VWC2L: variants seen among roughly 807,000 people sequenced by gnomAD.
VWC2L encodes von Willebrand factor C domain containing 2 like, also known as von Willebrand factor C domain-containing protein 2-like.
VWC2L carries 10 observed loss-of-function variants against 21.6 expected under a neutral mutation model. The observed-to-expected ratio is 0.46, with a 90% CI of 0.29 to 0.78. VWC2L has a LOEUF of 0.78. Ranked by LOEUF, VWC2L falls within the 30% of genes least tolerant of loss-of-function variation. VWC2L has a pLI of 0.10. For missense variants in VWC2L, 209 were observed against 277.1 expected (o/e 0.75, Z 1.74); for synonymous variants, 96 against 94.3 (o/e 1.02, Z -0.10).
intron 3 of VWC2L, among the ~76,000 whole-genome samples, chr2:214,526,611 G>A (rs1689342702): frequency 1.3e-5 from 2 of 152,170 alleles, no homozygotes; most frequent in African/African-American, 4.8e-5. Context: ...CTCTAGAAGG[G>A]ATAGGGAAAA....
chr2:214,463,167 CTTA>C (rs1352414822), intron 3 of VWC2L, among the ~76,000 whole-genome samples: 2 of 151,926 alleles, frequency 1.3e-5, no homozygotes, highest in African/African-American at 4.8e-5. Context: ...TTTACATATT[CTTA>C]TTAATATTCT....
intron 2 of VWC2L, among the ~76,000 whole-genome samples, chr2:214,416,368 A>C (rs1459967114): frequency 6.6e-6 from 1 of 152,052 alleles, no homozygotes; most frequent in African/African-American, 2.4e-5. Flanking sequence ...CTATAATCTA[A>C]TTAATCCCTA....
In VWC2L at chr2:214,411,576, T is replaced by C. The variant is rs1420885496; in HGVS notation, c.-291T>C. 2 of 152,266 alleles carry C rather than the reference T, an allele frequency of 1.3e-5. No homozygotes were observed. The highest frequency in any genetic ancestry group is 2.4e-5 in the African/African-American group (1 of 41,456). The allele number at this position is 152,266 out of a possible 1,614,324, so 9.4% of individuals were successfully genotyped here. On this transcript the variant is annotated 5_prime_UTR_variant, in exon 1 of 4. Transcript: ENST00000312504. ...GTCCAAAGCAAATTTCTTATATGTG[T>C]CTGCTGTGTTTCTTTCTGGAAGGGC...
At chr2:214,556,435 A>G (rs1047224937) in intron 3 of VWC2L, among the ~76,000 whole-genome samples, 1 of 152,126 alleles carries the variant, frequency 6.6e-6, no homozygotes, top group Admixed American at 6.6e-5. Flanking sequence ...TTCCCTTAAT[A>G]TTGCTTCTTA....
intron 3 of VWC2L, among the ~76,000 whole-genome samples, chr2:214,519,869 A>T (rs2105910437): frequency 6.6e-6 from 1 of 152,312 alleles, no homozygotes; most frequent in South Asian, 2.1e-4. Context: ...ATAAATGCAA[A>T]TCAAGATTTA....
intron 3 of VWC2L, among the ~76,000 whole-genome samples, chr2:214,454,598 CTTTTTTTTTTTTT>C (rs34032234): frequency 1.6e-5 from 1 of 64,134 alleles, no homozygotes; most frequent in African/African-American, 6.4e-5. Context: ...GATTGATTTT[CTTTTTTTTTTTTT>C]TTTTTTTTTT....
chr2:214,450,369 T>G (rs1702935250), intron 3 of VWC2L, among the ~76,000 whole-genome samples: 1 of 151,524 alleles, frequency 6.6e-6, no homozygotes, highest in African/African-American at 2.4e-5. Flanking sequence ...ATCACTATGG[T>G]GACCCTTCTA....
chr2:214,469,750 C>G (rs1056083409), intron 3 of VWC2L, among the ~76,000 whole-genome samples: 2 of 152,140 alleles, frequency 1.3e-5, no homozygotes, highest in African/African-American at 4.8e-5. Context: ...AACTACTTCC[C>G]ATTCATTTCA....
At chr2:214,422,044 C>G (rs1317648326) in intron 2 of VWC2L, among the ~76,000 whole-genome samples, 2 of 151,404 alleles carry the variant, frequency 1.3e-5, no homozygotes, top group African/African-American at 4.9e-5. Context: ...CGCGTGCCAC[C>G]ATGCCCGGCT....
intron 2 of VWC2L, among the ~76,000 whole-genome samples, chr2:214,432,098 C>G (rs1380700518): frequency 6.6e-6 from 1 of 152,156 alleles, no homozygotes; most frequent in African/African-American, 2.4e-5. Context: ...ATCTCATTGA[C>G]TCAAAATCAT....
At chr2:214,456,120 T>C (rs1703051147) in intron 3 of VWC2L, among the ~76,000 whole-genome samples, 1 of 152,150 alleles carries the variant, frequency 6.6e-6, no homozygotes, top group Non-Finnish European at 1.5e-5. Context: ...TTCTGTACTG[T>C]TTTCAATAAT....
At chr2:214,547,989 C>T (rs1689736620) in intron 3 of VWC2L, among the ~76,000 whole-genome samples, 1 of 152,206 alleles carries the variant, frequency 6.6e-6, no homozygotes, top group Non-Finnish European at 1.5e-5. Context: ...TTTATTTCTT[C>T]TTCCAGATGC....
chr2:214,565,120 T>C (rs1038382052), intron 3 of VWC2L, among the ~76,000 whole-genome samples: 8 of 152,196 alleles, frequency 5.3e-5, no homozygotes, highest in African/African-American at 1.2e-4. Flanking sequence ...TCATTCTTTC[T>C]AGTGACTGCA....
chr2:214,440,676 A>C (rs1240209651), intron 3 of VWC2L, among the ~76,000 whole-genome samples: 1 of 152,074 alleles, frequency 6.6e-6, no homozygotes, highest in Non-Finnish European at 1.5e-5. Context: ...TTGTATGTGA[A>C]TTAATATTAA....
At chr2:214,447,726 T>C (rs1039624788) in intron 3 of VWC2L, among the ~76,000 whole-genome samples, 9 of 152,060 alleles carry the variant, frequency 5.9e-5, no homozygotes, top group Non-Finnish European at 8.8e-5. Flanking sequence ...TCCTCAGAAG[T>C]TTTACACATC....
intron 3 of VWC2L, among the ~76,000 whole-genome samples, chr2:214,499,510 G>T (rs1688861225): frequency 7.4e-6 from 1 of 135,930 alleles, no homozygotes; most frequent in Non-Finnish European, 1.6e-5. Flanking sequence ...CGTGGGGTGG[G>T]GGGAGGGGTG....
At chr2:214,444,679 G>A (rs1702813489) in intron 3 of VWC2L, among the ~76,000 whole-genome samples, 1 of 151,826 alleles carries the variant, frequency 6.6e-6, no homozygotes, top group Non-Finnish European at 1.5e-5. Context: ...ATGTGCTATT[G>A]GAACAGAAAT....
At chr2:214,450,374 C>G (rs973937827) in intron 3 of VWC2L, among the ~76,000 whole-genome samples, 6 of 151,616 alleles carry the variant, frequency 4.0e-5, no homozygotes, top group Non-Finnish European at 7.4e-5. Context: ...TATGGTGACC[C>G]TTCTAGCCTA....
At chr2:214,538,961 A>G (rs12612233) in intron 3 of VWC2L, among the ~76,000 whole-genome samples, 29,421 of 152,048 alleles carry the variant, frequency 0.19, 3,314 homozygotes, top group East Asian at 0.26. Flanking sequence ...AAACCCTCAT[A>G]ATTTCTAAAA....
Sources: allele counts gnomAD v4.1 joint callset (sites outside exome capture counted in the v4.1 genomes callset), GRCh38; gene constraint gnomAD v4.1.1; transcripts MANE v1.5; gene names NCBI Gene and HGNC (gene_info 2026-07-23, HGNC 2026-07-21).